The following CAT variants were observed in gnomAD, a reference collection of about 807,000 sequenced individuals.
The protein encoded by CAT is catalase.
In CAT, 43 loss-of-function variants were observed where a neutral mutation model predicts 59.0. The ratio of observed to expected loss-of-function variants is 0.73; its 90% CI spans 0.57 to 0.94. The LOEUF (loss-of-function observed/expected upper bound fraction) is 0.94. CAT is among the 40% of genes least tolerant of loss of function. The pLI is 0.00. For synonymous variants in CAT, 218 were observed against 230.9 expected, an observed-to-expected ratio of 0.94 and a Z score of 0.51; for missense variants, 664 against 682.9, an observed-to-expected ratio of 0.97 and a Z score of 0.31.
rs1856740599 is a variant in CAT, at chr11:34,468,213, G to A, written c.1327-75G>A. 3.0e-6 allele frequency: 3 copies of A among 985,512 alleles called. No individual in the cohort carries two copies. The East Asian group carries it at 7.1e-5, about 23-fold the overall frequency. 61.0% of individuals were successfully genotyped at this position (985,512 alleles called of 1,614,324 possible). On this transcript the variant is annotated intron_variant, in intron 10 of 12. Transcript: ENST00000241052. ...GTTTTTTTTATCATTGATTTCCTAA[G>A]TGTTGTAGTAGGTGAATTTTGTTGG...
Position 34,439,065 on chromosome 11 carries a change from C to T in CAT, c.52C>T (p.Gln18Ter), listed in dbSNP as rs1856352094. 1 of 1,593,376 alleles carries T rather than the reference C, an allele frequency of 6.3e-7. No homozygotes were observed. Among genetic ancestry groups the T allele is most frequent in the Non-Finnish European group, 8.5e-7 (1 of 1,170,102 alleles). The change falls in exon 1 of 13, where the codon CAG (glutamine) becomes TAG (stop). Residue 18 changes from glutamine to a stop codon, truncating the protein, a stop_gained. Transcript: ENST00000241052. LOFTEE classifies it high-confidence loss of function. ...CGACCAGATGCAGCACTGGAAGGAG[C>T]AGCGGGCCGCGCAGGTACACTCTGT... Reference protein sequence around the residue: ...ASDQMQHWKEQRAAQKADVLT... With the variant: ...ASDQMQHWKE
chr11:34,465,152 G>A (rs938045179), intron 10 of CAT, among the ~76,000 whole-genome samples: 3 of 152,152 alleles, frequency 2.0e-5, no homozygotes, highest in African/African-American at 7.2e-5. Flanking sequence ...TAAAGTTAAA[G>A]GTATAGTTGT....
At chr11:34,468,236 T>C (rs763518236) in intron 10 of CAT, 52 bp from the exon 11 acceptor site, 77 of 1,252,764 alleles carry the variant, frequency 6.1e-5, no homozygotes, top group Non-Finnish European at 8.9e-5. Flanking sequence ...TGAATTTTGT[T>C]GGTGATAAAC....
At chr11:34,458,546 A>G (rs1021510797) in intron 8 of CAT, among the ~76,000 whole-genome samples, 2 of 152,252 alleles carry the variant, frequency 1.3e-5, no homozygotes, top group African/African-American at 4.8e-5. Flanking sequence ...CCTGGGCCCT[A>G]AAACTCCCTA....
At chr11:34,453,048 A>G in intron 4 of CAT, 42 bp from the exon 5 acceptor site, 1 of 1,187,348 alleles carries the variant, frequency 8.4e-7, no homozygotes, top group Non-Finnish European at 1.3e-6. Context: ...TAATTCCTGT[A>G]AACTTAGTTT....
intron 1 of CAT, among the ~76,000 whole-genome samples, chr11:34,439,974 G>A (rs979464712): frequency 6.6e-6 from 1 of 152,200 alleles, no homozygotes; most frequent in African/African-American, 2.4e-5. Context: ...AGGCATTCCT[G>A]GCCTGTGCCC....
rs1201941760 is a variant in CAT, at chr11:34,461,235, G to T, written c.1057-16G>T. 6.2e-7 allele frequency: 1 copy of T among 1,613,934 alleles called. No homozygotes were observed. The highest frequency in any genetic ancestry group is 8.5e-7 in the Non-Finnish European group (1 of 1,179,790). ...TTACTGCCCCTAGTCAGTGTCTATT[G>T]TATTTATTACTGCAGGGCCGCCTTT... is the stretch of plus-strand genomic sequence containing the variant. On this transcript the variant is annotated splice_polypyrimidine_tract_variant and intron_variant, in intron 8 of 12. Coordinates refer to ENST00000241052, the MANE Select transcript of CAT (RefSeq NM_001752.4).
At chr11:34,453,054 A>C in intron 4 of CAT, 36 bp from the exon 5 acceptor site, 1 of 1,266,444 alleles carries the variant, frequency 7.9e-7, no homozygotes, top group Non-Finnish European at 1.2e-6. Flanking sequence ...CTGTAAACTT[A>C]GTTTTTGGAT....
intron 1 of CAT, among the ~76,000 whole-genome samples, chr11:34,444,358 G>T (rs1000148062): frequency 6.6e-5 from 10 of 152,276 alleles, no homozygotes; most frequent in Middle Eastern, 3.4e-3. Context: ...CTTAAAACTG[G>T]AGTTAATCAG....
intron 1 of CAT, among the ~76,000 whole-genome samples, chr11:34,442,588 T>G (rs755650028): frequency 2.6e-5 from 4 of 151,666 alleles, no homozygotes; most frequent in Non-Finnish European, 4.4e-5. Flanking sequence ...GCAACAAGAG[T>G]GAAACTCCAT....
chr11:34,439,100 G>T, intron 1 of CAT, 21 bp downstream of exon 1: 1 of 1,570,142 alleles, frequency 6.4e-7, no homozygotes, highest in African/African-American at 1.4e-5. Context: ...TGCTCCCCGA[G>T]CGGGCCCGAA....
rs758170317 is a variant in CAT at position 34,449,224 on chromosome 11, C to T, written c.99C>T (p.Asn33=). ...ATGTCCTGACCACTGGAGCTGGTAA[C>T]CCAGTAGGAGACAAACTTAATGTTA... ...KADVLTTGAG[N]PVGDKLNVIT... The change falls in exon 2 of 13, where the codon AAC becomes AAT. Residue 33 remains asparagine, a synonymous_variant. Coordinates refer to ENST00000241052, the MANE Select transcript of CAT (RefSeq NM_001752.4). The T allele has an allele frequency of 6.2e-6, 10 of 1,614,150 alleles. No homozygotes were observed. The highest frequency in any genetic ancestry group is 7.6e-6 in the Non-Finnish European group (9 of 1,179,964).
In CAT at chr11:34,464,085, TG is replaced by T; in HGVS notation, c.1196-17del. ...GACTTTTCTTATTCCTAAGTGCATCTGGGTGGTTTTGTTTTGAAGGTGGTGC... is the reference window on the plus strand; with the variant it reads ...GACTTTTCTTATTCCTAAGTGCATCTGGTGGTTTTGTTTTGAAGGTGGTGC... On this transcript the variant is annotated intron_variant, in intron 9 of 12. Coordinates refer to ENST00000241052, the MANE Select transcript of CAT (RefSeq NM_001752.4). 6.2e-7 allele frequency: 1 copy of T among 1,614,134 alleles called. No individual in the cohort carries two copies. The highest frequency in any genetic ancestry group is 8.5e-7 in the Non-Finnish European group (1 of 1,179,930).
chr11:34,465,061 C>A (rs1218164704), intron 10 of CAT, among the ~76,000 whole-genome samples: 1 of 152,142 alleles, frequency 6.6e-6, no homozygotes, highest in Non-Finnish European at 1.5e-5. Context: ...TGAAGGAGGC[C>A]CTTGGACTTG....
intron 9 of CAT, among the ~76,000 whole-genome samples, chr11:34,462,450 G>A (rs1377818832): frequency 6.6e-6 from 1 of 152,140 alleles, no homozygotes; most frequent in Non-Finnish European, 1.5e-5. Flanking sequence ...TTTTTAGACA[G>A]AGTCTCACTC....
chr11:34,461,703 G>T (rs935607392), intron 9 of CAT, among the ~76,000 whole-genome samples: 2 of 152,230 alleles, frequency 1.3e-5, no homozygotes, highest in Non-Finnish European at 2.9e-5. Context: ...CATCCAGCTT[G>T]GGAGTTAGGT....
intron 1 of CAT, among the ~76,000 whole-genome samples, chr11:34,445,909 T>C (rs1381296847): frequency 1.3e-5 from 2 of 152,226 alleles, no homozygotes. Flanking sequence ...TTTCTGAGTT[T>C]GTAGTATCGC....
intron 8 of CAT, chr11:34,457,094 A>C: frequency 2.2e-6 from 1 of 446,736 alleles, no homozygotes; most frequent in Non-Finnish European, 4.0e-6. Context: ...AAAAGACATA[A>C]TAGAAATACC....
chr11:34,445,227 C>G (rs997306111), intron 1 of CAT, among the ~76,000 whole-genome samples: 1 of 152,022 alleles, frequency 6.6e-6, no homozygotes, highest in Admixed American at 6.6e-5. Context: ...CGGTGGCTCA[C>G]GCCTATAATC....
Sources: allele counts gnomAD v4.1 joint callset (sites outside exome capture counted in the v4.1 genomes callset), GRCh38; gene constraint gnomAD v4.1.1; transcripts MANE v1.5; gene names NCBI Gene and HGNC (gene_info 2026-07-23, HGNC 2026-07-21).